The following TCF7L1 variants were observed in gnomAD, a reference collection of about 807,000 sequenced individuals.
TCF7L1 encodes transcription factor 7-like 1.
A neutral mutation model predicts 63.7 loss-of-function variants in TCF7L1; 18 were observed. That is an observed-to-expected ratio of 0.28 (90% confidence interval 0.20 to 0.42). The LOEUF is 0.42. Ranked by LOEUF, TCF7L1 falls within the 10% of genes least tolerant of loss-of-function variation. TCF7L1 has a pLI of 1.00. For missense variants in TCF7L1, 654 were observed against 779.3 expected (o/e 0.84, Z 1.91); for synonymous variants, 355 against 340.9 (o/e 1.04, Z -0.46).
In TCF7L1 at chr2:85,307,691, C is replaced by T; in HGVS notation, c.1307C>T (p.Ser436Leu). 1 of 1,613,760 alleles carries T rather than the reference C, an allele frequency of 6.2e-7. No homozygotes were observed. Among genetic ancestry groups the T allele is most frequent in the Non-Finnish European group, 8.5e-7 (1 of 1,179,988 alleles). Residue 436 changes from serine (S) to leucine (L), a missense_variant, in exon 11 of 12, where the codon TCA becomes TTA. By Grantham distance (145) the Ser-to-Leu change is moderately radical. Coordinates refer to ENST00000282111, the MANE Select transcript of TCF7L1 (RefSeq NM_031283.3). ...KREKQLSQTQ[S>L]QQQVQEAEGA... is the part of the protein sequence containing the mutation. ...GAAAAGCAGCTGTCCCAGACACAGTCACAGCAGCAAGTCCAGGAGGCAGAG... is the reference window on the plus strand; with the variant it reads ...GAAAAGCAGCTGTCCCAGACACAGTTACAGCAGCAAGTCCAGGAGGCAGAG...
chr2:85,171,482 G>T (rs1334661766), intron 3 of TCF7L1, among the ~76,000 whole-genome samples: 1 of 152,204 alleles, frequency 6.6e-6, no homozygotes, highest in Non-Finnish European at 1.5e-5. Context: ...AGAGCTTTGT[G>T]GTGTGTACTG....
At chr2:85,294,026 A>ATTTTTTTTTTTTTTTTTTTTTT (rs774050758) in intron 4 of TCF7L1, among the ~76,000 whole-genome samples, 1 of 59,484 alleles carries the variant, frequency 1.7e-5, no homozygotes, top group Non-Finnish European at 3.1e-5. Flanking sequence ...GAACACTGGG[A>ATTTTTTTTTTTTTTTTTTTTTT]TTTTTTTTTT....
At chr2:85,302,661 G>C (rs1213171993) in intron 5 of TCF7L1, 45 bp downstream of exon 5, 4 of 1,592,446 alleles carry the variant, frequency 2.5e-6, no homozygotes, top group Non-Finnish European at 3.4e-6. Context: ...GGGCAGGCGG[G>C]CTTCTCTTTT....
At chr2:85,159,403 GT>G (rs1490572129) in intron 3 of TCF7L1, among the ~76,000 whole-genome samples, 21 of 152,202 alleles carry the variant, frequency 1.4e-4, no homozygotes, top group Non-Finnish European at 1.5e-5. Context: ...TCAGGGACCA[GT>G]TGTGCAGGCA....
In TCF7L1 at chr2:85,141,282, A is replaced by G. The variant is rs149383250; in HGVS notation, c.441+6832A>G. On this transcript the variant is annotated intron_variant, in intron 3 of 11. Coordinates refer to ENST00000282111, the MANE Select transcript of TCF7L1 (RefSeq NM_031283.3). ...AAAATAAGAGGAGCTTTTGGAATTC[A>G]GCTATTAGGAAGTTACTGGTGCCCA... is the stretch of plus-strand genomic sequence containing the variant. Among the ~76,000 whole-genome samples, 1,018 of 152,328 alleles carry G rather than the reference A, an allele frequency of 6.7e-3. 11 individuals are homozygous for G. The highest frequency in any genetic ancestry group is 0.023 in the African/African-American group (955 of 41,564).
intron 3 of TCF7L1, among the ~76,000 whole-genome samples, chr2:85,142,132 A>G (rs1464502763): frequency 2.0e-5 from 3 of 152,186 alleles, no homozygotes; most frequent in Non-Finnish European, 2.9e-5. Flanking sequence ...TAGAGCATCA[A>G]AATACGCTTT....
Position 85,306,570 on chromosome 2 carries a change from A to G in TCF7L1, c.1257+11A>G, listed in dbSNP as rs759098525. On this transcript the variant is annotated intron_variant, in intron 10 of 11. Coordinates refer to ENST00000282111, the MANE Select transcript of TCF7L1 (RefSeq NM_031283.3). This position sits in a 1 kb window ranked among gnomAD's most constrained non-coding sequence, Gnocchi z 4.3. Reference sequence around the variant, plus strand: ...GCCCGGGACAACTATGTAAGTGCACACTCTGGGCAGAGGACGCTCAGACCC... The same window carrying G: ...GCCCGGGACAACTATGTAAGTGCACGCTCTGGGCAGAGGACGCTCAGACCC... The G allele has an allele frequency of 2.1e-5, 34 of 1,613,028 alleles. No individual in the cohort carries two copies. The highest frequency in any genetic ancestry group is 6.7e-5 in the Admixed American group (4 of 59,962).
intron 3 of TCF7L1, among the ~76,000 whole-genome samples, chr2:85,149,316 C>CAT (rs1677952653): frequency 1.1e-5 from 1 of 90,848 alleles, no homozygotes; most frequent in African/African-American, 4.2e-5. Flanking sequence ...TATGTATATA[C>CAT]ACATATACAC....
chr2:85,295,775 C>A (rs913346855), intron 4 of TCF7L1, among the ~76,000 whole-genome samples: 1 of 100,884 alleles, frequency 9.9e-6, no homozygotes, highest in Non-Finnish European at 1.8e-5. Flanking sequence ...GTAACATTTA[C>A]TTTTTTTTTT....
At chr2:85,307,253 G>T (rs193056711) in intron 10 of TCF7L1, among the ~76,000 whole-genome samples, 2 of 152,196 alleles carry the variant, frequency 1.3e-5, no homozygotes, top group Admixed American at 1.3e-4. Context: ...ATTTTCGCAT[G>T]CGTGTTCTTC....
In TCF7L1 at chr2:85,196,633, G is replaced by T. The variant is rs140249057; in HGVS notation, c.441+62183G>T. Among the ~76,000 whole-genome samples the T allele has an allele frequency of 9.2e-3, 1,403 of 151,766 alleles. 13 individuals carry two copies. The highest frequency in any genetic ancestry group is 0.014 in the Non-Finnish European group (959 of 67,960). ...GATGCTCCCACCTTGACCTCCTAAAGTGCTGGGATTACAGGTGCAAGCCAC... is the reference window on the plus strand; with the variant it reads ...GATGCTCCCACCTTGACCTCCTAAATTGCTGGGATTACAGGTGCAAGCCAC... On this transcript the variant is annotated intron_variant, in intron 3 of 11. Coordinates refer to ENST00000282111, the MANE Select transcript of TCF7L1 (RefSeq NM_031283.3).
chr2:85,186,047 A>G (rs1343389208), intron 3 of TCF7L1, among the ~76,000 whole-genome samples: 1 of 148,850 alleles, frequency 6.7e-6, no homozygotes, highest in African/African-American at 2.5e-5. Context: ...GCTCACTGCA[A>G]GCTCTGCCTC....
At chr2:85,302,675 G>C in intron 5 of TCF7L1, 59 bp downstream of exon 5, 1 of 1,575,452 alleles carries the variant, frequency 6.3e-7, no homozygotes, top group East Asian at 2.2e-5. Context: ...CTCTTTTGTG[G>C]GAACATAACA....
chr2:85,243,810 A>G (rs1208219036), intron 3 of TCF7L1, among the ~76,000 whole-genome samples: 4 of 152,086 alleles, frequency 2.6e-5, no homozygotes. Context: ...TTGTGACTTC[A>G]CACGGCTCCC....
rs965454737 is a variant in TCF7L1 at position 85,237,948 on chromosome 2, C to T, written c.442-45547C>T. Among the ~76,000 whole-genome samples, 11 of 152,080 alleles carry T rather than the reference C, an allele frequency of 7.2e-5. No individual in the cohort carries two copies. The East Asian group carries it at 2.1e-3, about 30-fold the overall frequency. ...TGTGAGCGGACAAAGAGGAAAGTGA[C>T]GCAGGGGGAAGGTGATGCGGGCAGG... is the stretch of plus-strand genomic sequence containing the variant. On this transcript the variant is annotated intron_variant, in intron 3 of 11. Transcript: ENST00000282111.
chr2:85,297,105 G>A (rs1209170455), intron 4 of TCF7L1, among the ~76,000 whole-genome samples: 1 of 152,322 alleles, frequency 6.6e-6, no homozygotes, highest in South Asian at 2.1e-4. Flanking sequence ...GGTAACCTTA[G>A]GGCTGTCTTT....
At chr2:85,149,310 T>TATATACAC (rs1377744846) in intron 3 of TCF7L1, among the ~76,000 whole-genome samples, 4 of 105,418 alleles carry the variant, frequency 3.8e-5, no homozygotes, top group African/African-American at 1.1e-4. Context: ...TGTATATATG[T>TATATACAC]ATATACACAT....
chr2:85,201,261 A>T (rs1048138660), intron 3 of TCF7L1, among the ~76,000 whole-genome samples: 11 of 152,212 alleles, frequency 7.2e-5, no homozygotes, highest in Middle Eastern at 3.2e-3. Flanking sequence ...CACTGTATTT[A>T]ATTTTATGCA....
intron 3 of TCF7L1, among the ~76,000 whole-genome samples, chr2:85,140,847 G>A (rs1470376374): frequency 6.6e-6 from 1 of 152,122 alleles, no homozygotes; most frequent in African/African-American, 2.4e-5. Context: ...GGCAACAAGA[G>A]TGAAACTCCA....
Sources: gnomAD v4.1 joint callset for allele counts (sites outside exome capture counted in the v4.1 genomes callset) on GRCh38, gnomAD v4.1.1 for gene constraint, Gnocchi (gnomAD v3.1) non-coding constraint, MANE v1.5 for transcripts, NCBI Gene and HGNC (gene_info 2026-07-23, HGNC 2026-07-21) for gene names.